The following SPHKAP variants were observed in gnomAD, a reference collection of about 807,000 sequenced individuals.
SPHKAP encodes the protein A-kinase anchor protein SPHKAP.
Under a neutral mutation model 137.5 loss-of-function variants are expected in SPHKAP, and 67 were observed. The observed-to-expected ratio is 0.49, with a 90% CI of 0.40 to 0.60. The LOEUF is 0.60. SPHKAP is among the 20% of genes least tolerant of loss of function. SPHKAP has a pLI of 0.00. For synonymous variants in SPHKAP, 813 were observed against 785.3 expected (o/e 1.04, Z -0.59); for missense variants, 2,097 against 2,069.3 (o/e 1.01, Z -0.26).
intron 7 of SPHKAP, among the ~76,000 whole-genome samples, chr2:228,001,797 C>T (rs548720660): frequency 6.6e-6 from 1 of 152,092 alleles, no homozygotes; most frequent in African/African-American, 2.4e-5. Context: ...TCAATTCCCA[C>T]CTATGAGTGA....
intron 1 of SPHKAP, among the ~76,000 whole-genome samples, chr2:228,146,774 T>C (rs767464946): frequency 1.3e-5 from 2 of 152,262 alleles, no homozygotes; most frequent in Non-Finnish European, 2.9e-5. Context: ...ATGGTGTATA[T>C]GTACCACATT....
intron 3 of SPHKAP, among the ~76,000 whole-genome samples, chr2:228,029,717 A>C (rs1406373563): frequency 6.6e-6 from 1 of 152,338 alleles, no homozygotes; most frequent in East Asian, 1.9e-4. Context: ...GTTTGATAAT[A>C]TTCATATAAT....
In SPHKAP at chr2:228,067,504, C is replaced by T. The variant is rs536177067; in HGVS notation, c.247-39961G>A. Among the ~76,000 whole-genome samples the T allele has an allele frequency of 7.2e-5, 11 of 152,266 alleles. No individual in the cohort carries two copies. The East Asian group carries it at 2.1e-3, about 29-fold the overall frequency. ...TTGATAGGCTCTCCGGAGGGCTGAACCAGAAACAGCCAGCCATCAGCAAGA... is the reference window on the plus strand; with the variant it reads ...TTGATAGGCTCTCCGGAGGGCTGAATCAGAAACAGCCAGCCATCAGCAAGA... On this transcript the variant is annotated intron_variant, in intron 3 of 11. Transcript: ENST00000392056.
intron 1 of SPHKAP, among the ~76,000 whole-genome samples, chr2:228,140,100 A>G (rs573252311): frequency 6.6e-6 from 1 of 151,682 alleles, no homozygotes; most frequent in East Asian, 2.0e-4. Flanking sequence ...ACCCACCACC[A>G]TGCCCGGCTA....
intron 7 of SPHKAP, among the ~76,000 whole-genome samples, chr2:227,998,501 T>C (rs1693720931): frequency 6.6e-6 from 1 of 152,174 alleles, no homozygotes; most frequent in Admixed American, 6.5e-5. Context: ...ATTTTGCTAT[T>C]GACAGTAAAA....
chr2:228,174,792 A>G (rs767268636), intron 1 of SPHKAP, among the ~76,000 whole-genome samples: 1 of 152,184 alleles, frequency 6.6e-6, no homozygotes, highest in Non-Finnish European at 1.5e-5. Context: ...TATAATTTAA[A>G]TGGTTCTGAT....
intron 7 of SPHKAP, among the ~76,000 whole-genome samples, chr2:227,997,532 CTTT>C (rs1242216313): frequency 1.3e-5 from 2 of 152,132 alleles, no homozygotes; most frequent in Non-Finnish European, 2.9e-5. Context: ...AAGTATTCTT[CTTT>C]ATTAATAAAT....
intron 9 of SPHKAP, among the ~76,000 whole-genome samples, chr2:227,991,988 G>T (rs140793577): frequency 1.1e-3 from 162 of 152,264 alleles, no homozygotes; most frequent in African/African-American, 3.6e-3. Flanking sequence ...ATTAGATATG[G>T]TAGAGTTTAA....
chr2:228,068,621 G>T (rs1696906170), intron 3 of SPHKAP, among the ~76,000 whole-genome samples: 1 of 152,186 alleles, frequency 6.6e-6, no homozygotes, highest in African/African-American at 2.4e-5. Context: ...AAATGGTGCT[G>T]AGAAAATTGG....
At chr2:228,090,761 C>A (rs1574839895) in intron 3 of SPHKAP, among the ~76,000 whole-genome samples, 1 of 151,760 alleles carries the variant, frequency 6.6e-6, no homozygotes, top group Admixed American at 6.6e-5. Flanking sequence ...AAAGGATGAG[C>A]ACCCCCTAGC....
chr2:228,032,160 G>T (rs1468264238), intron 3 of SPHKAP, among the ~76,000 whole-genome samples: 2 of 152,118 alleles, frequency 1.3e-5, no homozygotes, highest in Non-Finnish European at 2.9e-5. Flanking sequence ...TGGATAACTA[G>T]AATAACCAAC....
At chr2:228,079,357 T>C (rs1382889087) in intron 3 of SPHKAP, among the ~76,000 whole-genome samples, 1 of 152,100 alleles carries the variant, frequency 6.6e-6, no homozygotes, top group Admixed American at 6.5e-5. Flanking sequence ...CACCAATTGG[T>C]ATGGGTCCAT....
At chr2:228,147,314 G>T (rs1699803933) in intron 1 of SPHKAP, among the ~76,000 whole-genome samples, 1 of 152,170 alleles carries the variant, frequency 6.6e-6, no homozygotes, top group Non-Finnish European at 1.5e-5. Context: ...GAATCTATCA[G>T]ATAAGTAGAA....
chr2:228,078,157 T>C lies in SPHKAP; in HGVS notation c.246+30675A>G, dbSNP rs370293697. On this transcript the variant is annotated intron_variant, in intron 3 of 11. Transcript: ENST00000392056. ...TAAATTACCCAGTCTCAGGTATGTC[T>C]GTATCAGCAGCATGAAAATGGACTA... is the stretch of plus-strand genomic sequence containing the variant. Among the ~76,000 whole-genome samples, 11 of 152,216 alleles carry C rather than the reference T, an allele frequency of 7.2e-5. 1 individual carries two copies. The East Asian group carries it at 9.6e-4, about 13-fold the overall frequency.
chr2:228,168,431 T>G (rs1700484045), intron 1 of SPHKAP, among the ~76,000 whole-genome samples: 1 of 152,188 alleles, frequency 6.6e-6, no homozygotes, highest in Non-Finnish European at 1.5e-5. Context: ...GTGTGTTACG[T>G]TTTGAAAATT....
rs1183883319 is a variant in SPHKAP at position 228,019,633 on chromosome 2, T to C, written c.1221A>G (p.Leu407=). 3 of 1,614,002 alleles carry C rather than the reference T, an allele frequency of 1.9e-6. No homozygotes were observed. Among genetic ancestry groups the C allele is most frequent in the Non-Finnish European group, 1.7e-6 (2 of 1,179,988 alleles). ...ESVLQDAFIR[L]SQSQSTLPQE... ...GGGGTAATGTGGACTGAGATTGAGA[T>C]AATCTAATAAATGCATCCTGCAGCA... The change falls in exon 7 of 12, where the codon TTA becomes TTG. Residue 407 remains leucine (L), a synonymous_variant. Coordinates refer to ENST00000392056, the MANE Select transcript of SPHKAP (RefSeq NM_001142644.2).
At chr2:228,134,149 A>AGAAC (rs1491401076) in intron 1 of SPHKAP, among the ~76,000 whole-genome samples, 1 of 147,048 alleles carries the variant, frequency 6.8e-6, no homozygotes, top group Admixed American at 6.8e-5. Context: ...AGAGAAAGAA[A>AGAAC]GAGGAAGAAA....
At chr2:228,030,680 G>A (rs963608055) in intron 3 of SPHKAP, among the ~76,000 whole-genome samples, 1 of 151,326 alleles carries the variant, frequency 6.6e-6, no homozygotes, top group Non-Finnish European at 1.5e-5. Flanking sequence ...CATAAAAACT[G>A]CCAGGAATAT....
chr2:228,033,780 C>T (rs1695456025), intron 3 of SPHKAP, among the ~76,000 whole-genome samples: 2 of 152,180 alleles, frequency 1.3e-5, no homozygotes, highest in African/African-American at 2.4e-5. Flanking sequence ...TGAATGACTA[C>T]TGGATACATA....
Sources: gnomAD v4.1 joint callset for allele counts (sites outside exome capture counted in the v4.1 genomes callset) on GRCh38, gnomAD v4.1.1 for gene constraint, MANE v1.5 for transcripts, NCBI Gene and HGNC (gene_info 2026-07-23, HGNC 2026-07-21) for gene names.